Variants in CHCHD3 observed in about 807,000 individuals in gnomAD.
CHCHD3 encodes the protein coiled-coil-helix-coiled-coil-helix domain containing 3.
A neutral mutation model predicts 38.2 loss-of-function variants in CHCHD3; 20 were observed. The observed-to-expected ratio is 0.52, with a 90% CI of 0.37 to 0.76. CHCHD3 has a LOEUF of 0.76. Among genes scored for constraint, CHCHD3 ranks in the 30% least tolerant of loss-of-function variants. The probability of loss-of-function intolerance (pLI) is 0.00; values close to 1 mark genes in which losing one functional copy is unlikely to be tolerated. For synonymous variants in CHCHD3, 82 were observed against 100.0 expected (o/e 0.82, Z 1.07); for missense variants, 245 against 279.2 (o/e 0.88, Z 0.87).
chr7:133,038,041 C>T (rs2117475043), intron 2 of CHCHD3, among the ~76,000 whole-genome samples: 1 of 152,236 alleles, frequency 6.6e-6, no homozygotes, highest in East Asian at 1.9e-4. Context: ...CAATCATGAA[C>T]ATTACATAGT....
chr7:132,965,512 C>T (rs899545686), intron 4 of CHCHD3, among the ~76,000 whole-genome samples: 11 of 151,418 alleles, frequency 7.3e-5, no homozygotes, highest in African/African-American at 2.2e-4. Flanking sequence ...TGCTGCTTAT[C>T]AGCAAAGCTC....
At chr7:132,888,760 A>G (rs1412499784) in intron 4 of CHCHD3, among the ~76,000 whole-genome samples, 1 of 152,034 alleles carries the variant, frequency 6.6e-6, no homozygotes. Context: ...GAAAGCTGAT[A>G]TCGTAACAGA....
At chr7:132,950,234 G>A (rs991919869) in intron 4 of CHCHD3, among the ~76,000 whole-genome samples, 3 of 151,988 alleles carry the variant, frequency 2.0e-5, no homozygotes, top group Admixed American at 6.6e-5. Flanking sequence ...CCTGGGTGAC[G>A]GGATCGACTA....
chr7:133,035,519 T>A lies in CHCHD3; in HGVS notation c.170-10892A>T, dbSNP rs532285966. 3.3e-5 allele frequency: 53 copies of A among 1,613,482 alleles called. No individual in the cohort carries two copies. In the African/African-American group the frequency reaches 5.9e-4, roughly 18 times the overall value. ...CCAGCAGCCCCAGAATTCGCCTCACTTCCTCCTTTGCATTCTCAGTGGCCT... is the reference window on the plus strand; with the variant it reads ...CCAGCAGCCCCAGAATTCGCCTCACATCCTCCTTTGCATTCTCAGTGGCCT... On this transcript the variant is annotated intron_variant, in intron 2 of 7. Coordinates refer to ENST00000262570, the MANE Select transcript of CHCHD3 (RefSeq NM_017812.4). This position sits in a 1 kb window ranked among gnomAD's most constrained non-coding sequence, Gnocchi z 4.7.
rs552253974 is a variant in CHCHD3 at position 132,886,295 on chromosome 7, TAATA to T, written c.370-554_370-551del. On this transcript the variant is annotated intron_variant, in intron 4 of 7. Transcript: ENST00000262570. Reference sequence around the variant, plus strand: ...TTATTTCAATAATTCAAAATAATCATAATAAATAACCATATTTAAAAGTAATTTT... The same window carrying T: ...TTATTTCAATAATTCAAAATAATCATAATAACCATATTTAAAAGTAATTTT... Among the ~76,000 whole-genome samples, 6 of 152,208 alleles carry T rather than the reference TAATA, an allele frequency of 3.9e-5. No individual in the cohort carries two copies. The East Asian group carries it at 9.6e-4, about 24-fold the overall frequency.
At position 132,973,556 on chromosome 7, in the gene CHCHD3, T is replaced by C. The variant is rs1166180433; in HGVS notation, c.369+1613A>G. 5.1e-6 allele frequency: 5 copies of C among 990,056 alleles called. No homozygotes were observed. The South Asian group carries it at 1.4e-4, about 27-fold the overall frequency. 61.3% of individuals were successfully genotyped at this position (990,056 alleles called of 1,614,324 possible). A position where few individuals can be genotyped will look rare whatever the true frequency, so the allele number is the denominator to read the frequency against. On this transcript the variant is annotated intron_variant, in intron 4 of 7. Transcript: ENST00000262570. ...TATTCCCTTTGTTCCACTCAACACA[T>C]GTACTGTTCTTAGGGCAGCTGCCAG... is the stretch of plus-strand genomic sequence containing the variant.
chr7:132,975,265 C>T lies in CHCHD3; in HGVS notation c.273G>A (p.Leu91=). ...DQKRLKQAKE[L]DRERAAANEQ... is the part of the protein sequence containing the mutation. Reference sequence around the variant, plus strand: ...CATTGGCAGCAGCCCTCTCTCGGTCCAGCTCTTTGGCTTGCTTTAGTCTAA... The same window carrying T: ...CATTGGCAGCAGCCCTCTCTCGGTCTAGCTCTTTGGCTTGCTTTAGTCTAA... The change falls in exon 4 of 8, where the codon CTG becomes CTA. Residue 91 remains leucine (L), a synonymous_variant. Transcript: ENST00000262570. The T allele has an allele frequency of 6.2e-7, 1 of 1,613,046 alleles. No homozygotes were observed. Among genetic ancestry groups the T allele is most frequent in the East Asian group, 2.2e-5 (1 of 44,880 alleles).
chr7:133,032,324 TG>T (rs999280433), intron 2 of CHCHD3, among the ~76,000 whole-genome samples: 1 of 152,166 alleles, frequency 6.6e-6, no homozygotes, highest in Admixed American at 6.5e-5. Flanking sequence ...CAGGGGTAAC[TG>T]TGGCTACTTA....
Position 132,796,589 on chromosome 7 carries a change from C to T in CHCHD3, c.525-12G>A. On this transcript the variant is annotated splice_polypyrimidine_tract_variant and intron_variant, in intron 6 of 7. Coordinates refer to ENST00000262570, the MANE Select transcript of CHCHD3 (RefSeq NM_017812.4). ...GAGACTCATATCGCCTGAAAACAAA[C>T]ACAGGGACCGCTGAGACCAATGGTC... 1 of 1,613,246 alleles carries T rather than the reference C, an allele frequency of 6.2e-7. No homozygotes were observed. The highest frequency in any genetic ancestry group is 8.5e-7 in the Non-Finnish European group (1 of 1,179,360).
At chr7:132,901,402 G>T (rs560938190) in intron 4 of CHCHD3, among the ~76,000 whole-genome samples, 2 of 152,162 alleles carry the variant, frequency 1.3e-5, no homozygotes, top group South Asian at 4.1e-4. Context: ...CCTCAGTGCC[G>T]GGATGGAGGT....
chr7:132,812,199 T>G (rs1563242658), intron 6 of CHCHD3, among the ~76,000 whole-genome samples: 1 of 75,018 alleles, frequency 1.3e-5, no homozygotes, highest in Non-Finnish European at 2.5e-5. Context: ...TTTTTTCTTT[T>G]CTTTTTTTTT....
At chr7:132,898,114 C>T (rs1333622815) in intron 4 of CHCHD3, among the ~76,000 whole-genome samples, 1 of 152,014 alleles carries the variant, frequency 6.6e-6, no homozygotes, top group Non-Finnish European at 1.5e-5. Context: ...TGCAGACCTT[C>T]GCGGTGAGTG....
Position 132,796,437 on chromosome 7 carries a change from C to T in CHCHD3, c.660+5G>A, listed in dbSNP as rs1806614307. On this transcript the variant is annotated splice_donor_5th_base_variant and intron_variant, in intron 7 of 7. Coordinates refer to ENST00000262570, the MANE Select transcript of CHCHD3 (RefSeq NM_017812.4). ...TGCCCCCAGTGGCCTGGCTGGCACACCTACCTGTTTGGCATGATTGACACA... is the reference window on the plus strand; with the variant it reads ...TGCCCCCAGTGGCCTGGCTGGCACATCTACCTGTTTGGCATGATTGACACA... 1.2e-6 allele frequency: 2 copies of T among 1,613,490 alleles called. No homozygotes were observed. Among genetic ancestry groups the T allele is most frequent in the Admixed American group, 1.7e-5 (1 of 59,986 alleles).
At chr7:133,065,776 G>A (rs1042315448) in intron 2 of CHCHD3, among the ~76,000 whole-genome samples, 3 of 152,098 alleles carry the variant, frequency 2.0e-5, no homozygotes, top group African/African-American at 7.2e-5. Context: ...GCTTTTATAA[G>A]CCTATTTTTT....
chr7:132,981,240 G>A (rs958128386), intron 3 of CHCHD3, among the ~76,000 whole-genome samples: 1 of 151,786 alleles, frequency 6.6e-6, no homozygotes, highest in Non-Finnish European at 1.5e-5. Context: ...TCTTGAACTG[G>A]GCTCAAGTGA....
chr7:133,008,152 AG>A (rs1263326489), intron 3 of CHCHD3, among the ~76,000 whole-genome samples: 1 of 152,192 alleles, frequency 6.6e-6, no homozygotes, highest in African/African-American at 2.4e-5. Flanking sequence ...TATCTTCCTA[AG>A]TGAAATGTGC....
intron 5 of CHCHD3, among the ~76,000 whole-genome samples, chr7:132,883,340 A>C (rs969802416): frequency 2.6e-4 from 39 of 152,188 alleles, no homozygotes; most frequent in African/African-American, 8.9e-4. Flanking sequence ...AAGTGAGGTA[A>C]GTACTATTAA....
At chr7:132,980,374 T>C (rs973541335) in intron 3 of CHCHD3, among the ~76,000 whole-genome samples, 3 of 152,246 alleles carry the variant, frequency 2.0e-5, no homozygotes, top group Non-Finnish European at 4.4e-5. Flanking sequence ...ACATTCCTTT[T>C]TTATTTATTG....
chr7:132,828,084 G>A (rs1167599591), intron 6 of CHCHD3, among the ~76,000 whole-genome samples: 1 of 152,122 alleles, frequency 6.6e-6, no homozygotes, highest in Admixed American at 6.6e-5. Flanking sequence ...GAACATAGGT[G>A]TACAAGTCTT....
Sources: gnomAD v4.1 joint callset for allele counts (sites outside exome capture counted in the v4.1 genomes callset) on GRCh38, gnomAD v4.1.1 for gene constraint, Gnocchi (gnomAD v3.1) non-coding constraint, MANE v1.5 for transcripts, NCBI Gene and HGNC (gene_info 2026-07-23, HGNC 2026-07-21) for gene names.